GLS: variants seen among roughly 807,000 people sequenced by gnomAD.
GLS encodes glutaminase kidney isoform, mitochondrial.
GLS carries 36 observed loss-of-function variants against 86.7 expected under a neutral mutation model. That is an observed-to-expected ratio of 0.42 (90% CI 0.32 to 0.55). The LOEUF (loss-of-function observed/expected upper bound fraction) is 0.55. GLS is among the 20% of genes least tolerant of loss of function. The pLI is 0.17. For missense variants in GLS, 528 were observed against 833.4 expected (o/e 0.63, Z 4.51); for synonymous variants, 317 against 305.9 (o/e 1.04, Z -0.38).
chr2:190,921,282 G>A lies in GLS; in HGVS notation c.1130+79G>A, dbSNP rs966829321. ...ATTGATCCACTCTCTTTTCATTGGA[G>A]GGAAATGAATGATTTCTAAATTACC... On this transcript the variant is annotated intron_variant, in intron 9 of 17. Coordinates refer to ENST00000320717, the MANE Select transcript of GLS (RefSeq NM_014905.5). This position sits in a 1 kb window ranked among gnomAD's most constrained non-coding sequence, Gnocchi z 4.2. The A allele has an allele frequency of 1.0e-6, 1 of 955,430 alleles. No homozygotes were observed. The highest frequency in any genetic ancestry group is 1.7e-6 in the Non-Finnish European group (1 of 590,986). 59.2% of individuals were successfully genotyped at this position (955,430 alleles called of 1,614,324 possible).
At chr2:190,883,300 TTCA>T (rs537495484) in intron 1 of GLS, among the ~76,000 whole-genome samples, 3 of 152,316 alleles carry the variant, frequency 2.0e-5, no homozygotes, top group East Asian at 3.9e-4. Context: ...TTTGGCTCCT[TTCA>T]TTTTGCCTTT....
rs917268626 is a variant in GLS at position 190,949,167 on chromosome 2, G to A, written c.1651-4398G>A. Among the ~76,000 whole-genome samples the A allele has an allele frequency of 2.6e-5, 4 of 152,130 alleles. No individual in the cohort carries two copies. Among genetic ancestry groups the A allele is most frequent in the African/African-American group, 9.7e-5 (4 of 41,416 alleles). On this transcript the variant is annotated intron_variant, in intron 14 of 17. Coordinates refer to ENST00000320717, the MANE Select transcript of GLS (RefSeq NM_014905.5). This position sits in a 1 kb window ranked among gnomAD's most constrained non-coding sequence, Gnocchi z 4.0. ...TATTGAGGTTGAGAAGAAAAATTAAGTTAGCTGGACTGAAGAACCTTGAAT... is the reference window on the plus strand; with the variant it reads ...TATTGAGGTTGAGAAGAAAAATTAAATTAGCTGGACTGAAGAACCTTGAAT...
chr2:190,901,936 CT>C lies in GLS; in HGVS notation c.736-7del. On this transcript the variant is annotated splice_polypyrimidine_tract_variant and intron_variant, in intron 4 of 17. Coordinates refer to ENST00000320717, the MANE Select transcript of GLS (RefSeq NM_014905.5). Reference sequence around the variant, plus strand: ...TTATATCTATTCATTTCTTTCCAATCTTTTGGATAGGTTGCAGATTATATTC... The same window carrying C: ...TTATATCTATTCATTTCTTTCCAATCTTTGGATAGGTTGCAGATTATATTC... 6.5e-7 allele frequency: 1 copy of C among 1,547,524 alleles called. No homozygotes were observed. The highest frequency in any genetic ancestry group is 8.9e-7 in the Non-Finnish European group (1 of 1,119,644).
intron 7 of GLS, among the ~76,000 whole-genome samples, chr2:190,912,919 G>A (rs1413680863): frequency 1.3e-5 from 2 of 152,166 alleles, no homozygotes; most frequent in Non-Finnish European, 2.9e-5. Context: ...AGTCAGTAAA[G>A]AAACAGGCCC....
chr2:190,949,707 C>T lies in GLS; in HGVS notation c.1651-3858C>T, dbSNP rs1690667874. ...ACCTTGTCTCAAAAAAAATAAAATG[C>T]AGGGTTGGGGGCCGATAGAGGAATT... On this transcript the variant is annotated intron_variant, in intron 14 of 17. Transcript: ENST00000320717. The surrounding 1 kb of genome is among the most constrained non-coding windows in gnomAD (Gnocchi z 4.0). 6.6e-6 allele frequency among the ~76,000 whole-genome samples: 1 copy of T among 151,836 alleles called. No homozygotes were observed. Among genetic ancestry groups the T allele is most frequent in the South Asian group, 2.1e-4 (1 of 4,806 alleles).
intron 14 of GLS, chr2:190,933,048 G>C (rs1399836311): frequency 9.3e-7 from 1 of 1,073,928 alleles, no homozygotes. Context: ...TGCATTTGTT[G>C]GTCTTTAAAA....
At chr2:190,909,775 C>T (rs1230738874) in intron 6 of GLS, among the ~76,000 whole-genome samples, 1 of 152,168 alleles carries the variant, frequency 6.6e-6, no homozygotes, top group African/African-American at 2.4e-5. Flanking sequence ...TGCATGGTGG[C>T]TCATGCCTAT....
chr2:190,912,989 G>C (rs1024330580), intron 7 of GLS, among the ~76,000 whole-genome samples: 1 of 152,098 alleles, frequency 6.6e-6, no homozygotes, highest in Non-Finnish European at 1.5e-5. Context: ...ATGGCTACTA[G>C]AGGTGAATTC....
rs1436434629 is a variant in GLS at position 190,955,119 on chromosome 2, T to C, written c.1853+301T>C. ...AGAAAGAATTGGAATTTTATCCTCA[T>C]GGATTTTAAAAAAAAAATTTTTAAA... On this transcript the variant is annotated intron_variant, in intron 17 of 17. Coordinates refer to ENST00000320717, the MANE Select transcript of GLS (RefSeq NM_014905.5). This position sits in a 1 kb window ranked among gnomAD's most constrained non-coding sequence, Gnocchi z 5.6. Among the ~76,000 whole-genome samples the C allele has an allele frequency of 6.6e-6, 1 of 152,002 alleles. No individual in the cohort carries two copies. The highest frequency in any genetic ancestry group is 6.6e-5 in the Admixed American group (1 of 15,226).
intron 3 of GLS, among the ~76,000 whole-genome samples, chr2:190,899,281 G>A (rs1265432701): frequency 6.6e-6 from 1 of 151,996 alleles, no homozygotes; most frequent in African/African-American, 2.4e-5. Flanking sequence ...TAGCTCTGGG[G>A]TGTCAATACT....
At position 190,921,229 on chromosome 2, in the gene GLS, T is replaced by C; in HGVS notation, c.1130+26T>C. The C allele has an allele frequency of 2.1e-6, 3 of 1,446,628 alleles. No individual in the cohort carries two copies. Among genetic ancestry groups the C allele is most frequent in the Non-Finnish European group, 2.9e-6 (3 of 1,028,050 alleles). The allele number at this position is 1,446,628 out of a possible 1,614,324, so 89.6% of individuals were successfully genotyped here. A position where few individuals can be genotyped will look rare whatever the true frequency, so the allele number is the denominator to read the frequency against. ...GTGAGTGTTTTAAATACTGTTTTGT[T>C]ACGTAAAAACACACAACTGTATTTA... On this transcript the variant is annotated intron_variant, in intron 9 of 17. Transcript: ENST00000320717. This position sits in a 1 kb window ranked among gnomAD's most constrained non-coding sequence, Gnocchi z 4.2.
chr2:190,884,120 G>A (rs949815907), intron 1 of GLS, among the ~76,000 whole-genome samples: 4 of 152,008 alleles, frequency 2.6e-5, no homozygotes, highest in East Asian at 1.9e-4. Context: ...GCCTCTCTTC[G>A]TTTTCAAAAT....
Position 190,913,844 on chromosome 2 carries a change from A to G in GLS, c.1038+3523A>G, listed in dbSNP as rs1689435549. On this transcript the variant is annotated intron_variant, in intron 7 of 17. Transcript: ENST00000320717. The surrounding 1 kb of genome is among the most constrained non-coding windows in gnomAD (Gnocchi z 6.1). The stretch of plus-strand genomic sequence containing the variant: ...GAGACAAGGTCTCTCTCTGTTGCCC[A>G]GTCTAAGTGCAGTGGTACAGTCATA... The G allele has an allele frequency of 2.0e-6, 1 of 501,474 alleles. No homozygotes were observed. Among genetic ancestry groups the G allele is most frequent in the South Asian group, 8.7e-5 (1 of 11,500 alleles). The allele number at this position is 501,474 out of a possible 1,614,324, so 31.1% of individuals were successfully genotyped here. A position where few individuals can be genotyped will look rare whatever the true frequency, so the allele number is the denominator to read the frequency against.
intron 1 of GLS, among the ~76,000 whole-genome samples, chr2:190,890,198 T>C (rs1688515450): frequency 6.6e-6 from 1 of 152,122 alleles, no homozygotes; most frequent in Non-Finnish European, 1.5e-5. Context: ...TCTTTCTTTT[T>C]TTAGAAATGG....
At chr2:190,893,307 C>T (rs925076795) in intron 1 of GLS, among the ~76,000 whole-genome samples, 3 of 152,116 alleles carry the variant, frequency 2.0e-5, no homozygotes, top group Non-Finnish European at 4.4e-5. Flanking sequence ...CAGAAAAATC[C>T]ATCTTTGCCA....
chr2:190,894,505 T>C (rs537728170), intron 1 of GLS, among the ~76,000 whole-genome samples: 66 of 152,262 alleles, frequency 4.3e-4, no homozygotes, highest in African/African-American at 1.4e-3. Context: ...TCTAAAGATA[T>C]TGAATGTATT....
At position 190,895,745 on chromosome 2, in the gene GLS, C is replaced by A. The variant is rs751851975; in HGVS notation, c.605+20C>A. On this transcript the variant is annotated intron_variant, in intron 3 of 17. Transcript: ENST00000320717. The surrounding 1 kb of genome is among the most constrained non-coding windows in gnomAD (Gnocchi z 4.2). ...TAAAAAGTAAAAGTTTCTGCCAAACCTTTAATGGTGATTTGCTATGCTATA... is the reference window on the plus strand; with the variant it reads ...TAAAAAGTAAAAGTTTCTGCCAAACATTTAATGGTGATTTGCTATGCTATA... 6.4e-7 allele frequency: 1 copy of A among 1,567,450 alleles called. No individual in the cohort carries two copies. The highest frequency in any genetic ancestry group is 8.7e-7 in the Non-Finnish European group (1 of 1,149,832).
chr2:190,904,661 T>C (rs530501215), intron 5 of GLS, among the ~76,000 whole-genome samples: 6 of 152,296 alleles, frequency 3.9e-5, no homozygotes, highest in Admixed American at 6.5e-5. Context: ...AGTACACCTA[T>C]TTATATGGCA....
At chr2:190,952,043 A>C (rs1690731735) in intron 14 of GLS, among the ~76,000 whole-genome samples, 1 of 152,212 alleles carries the variant, frequency 6.6e-6, no homozygotes, top group Non-Finnish European at 1.5e-5. Context: ...CATCTCTATA[A>C]AAAACAACAA....
Sources: allele counts gnomAD v4.1 joint callset (sites outside exome capture counted in the v4.1 genomes callset), GRCh38; gene constraint gnomAD v4.1.1; non-coding constraint Gnocchi (gnomAD v3.1); transcripts MANE v1.5; gene names NCBI Gene and HGNC (gene_info 2026-07-23, HGNC 2026-07-21).